The following USH2A variants were observed in gnomAD, a reference collection of about 807,000 sequenced individuals.
USH2A encodes usherin.
Under a neutral mutation model 538.9 loss-of-function variants are expected in USH2A, and 443 were observed. The observed-to-expected ratio is 0.82, with a 90% confidence interval of 0.76 to 0.89. USH2A has a LOEUF of 0.89. Ranked by LOEUF, USH2A falls within the 40% of genes least tolerant of loss-of-function variation. The probability of loss-of-function intolerance (pLI) is 0.00; values close to 1 mark genes in which losing one functional copy is unlikely to be tolerated. For missense variants in USH2A, 6,633 were observed against 6,324.8 expected (o/e 1.05, Z -1.65); for synonymous variants, 2,413 against 2,273.5 (o/e 1.06, Z -1.75).
At chr1:216,368,268 G>A (rs1319001586) in intron 3 of USH2A, among the ~76,000 whole-genome samples, 1 of 151,528 alleles carries the variant, frequency 6.6e-6, no homozygotes, top group Non-Finnish European at 1.5e-5. Context: ...CTAGATTAGT[G>A]AGAAGTATAA....
At chr1:215,982,891 G>A (rs1249558737) in intron 35 of USH2A, among the ~76,000 whole-genome samples, 1 of 152,174 alleles carries the variant, frequency 6.6e-6, no homozygotes, top group Non-Finnish European at 1.5e-5. Context: ...TGCTAACCTA[G>A]TCTGGGTAGG....
chr1:216,205,126 G>A (rs914905042), intron 16 of USH2A, among the ~76,000 whole-genome samples: 4 of 152,142 alleles, frequency 2.6e-5, no homozygotes, highest in African/African-American at 9.7e-5. Flanking sequence ...ATCATTGATA[G>A]TTTTAAGTTT....
intron 69 of USH2A, among the ~76,000 whole-genome samples, chr1:215,636,808 G>A (rs1438075064): frequency 6.6e-6 from 1 of 152,052 alleles, no homozygotes; most frequent in African/African-American, 2.4e-5. Flanking sequence ...TAGAACTGAC[G>A]ATGGATATTA....
intron 64 of USH2A, among the ~76,000 whole-genome samples, chr1:215,662,153 C>T (rs1192560565): frequency 6.6e-6 from 1 of 152,128 alleles, no homozygotes; most frequent in Non-Finnish European, 1.5e-5. Context: ...ACACATCTTA[C>T]CCTTTCCTAG....
At chr1:216,072,463 C>A (rs1433640878) in intron 29 of USH2A, 1 of 272,600 alleles carries the variant, frequency 3.7e-6, no homozygotes, top group Non-Finnish European at 7.1e-6. Context: ...TGATTCCAAC[C>A]AGTTGCAGGT....
At chr1:216,289,443 C>T (rs761557499) in intron 10 of USH2A, 33 bp from the exon 11 acceptor site, 1 of 1,613,188 alleles carries the variant, frequency 6.2e-7, no homozygotes, top group East Asian at 2.2e-5. Context: ...ATTATGACTT[C>T]TAATTCATTA....
intron 13 of USH2A, among the ~76,000 whole-genome samples, chr1:216,241,376 A>C (rs1397349100): frequency 6.6e-6 from 1 of 152,216 alleles, no homozygotes; most frequent in Non-Finnish European, 1.5e-5. Flanking sequence ...TGGTTTTTTA[A>C]ATTATGCAAA....
intron 21 of USH2A, among the ~76,000 whole-genome samples, chr1:216,126,233 G>GT (rs869136760): frequency 2.7e-4 from 34 of 125,054 alleles, no homozygotes; most frequent in African/African-American, 6.2e-4. Flanking sequence ...TTTTGTTTTT[G>GT]TTTTTTTTGA....
chr1:216,109,056 T>C (rs1379360750), intron 21 of USH2A, among the ~76,000 whole-genome samples: 2 of 152,154 alleles, frequency 1.3e-5, no homozygotes, highest in Admixed American at 1.3e-4. Flanking sequence ...GATCTTATCC[T>C]CATTTGAGCT....
At position 215,916,025 on chromosome 1, in the gene USH2A, T is replaced by C. The variant is rs1290901547; in HGVS notation, c.7301-15120A>G. On this transcript the variant is annotated intron_variant, in intron 38 of 71. Transcript: ENST00000307340. ...ACACATGAAGGGGAACATCACACTC[T>C]GGGGACTGTTGTGGGGTGGGGGGAG... Among the ~76,000 whole-genome samples the C allele has an allele frequency of 1.8e-4, 19 of 107,482 alleles. No homozygotes were observed. In the Admixed American group the frequency reaches 2.4e-3, roughly 14 times the overall value. The allele number at this position is 107,482 out of a possible 152,430, so 70.5% of individuals were successfully genotyped here.
intron 11 of USH2A, among the ~76,000 whole-genome samples, chr1:216,288,869 G>A (rs77156925): frequency 0.051 from 7,703 of 152,212 alleles, 306 homozygotes; most frequent in Middle Eastern, 0.16. Context: ...TGAGAAGCGA[G>A]GCTATCATAA....
At chr1:215,636,655 G>A (rs1053241868) in intron 69 of USH2A, among the ~76,000 whole-genome samples, 1 of 152,162 alleles carries the variant, frequency 6.6e-6, no homozygotes, top group East Asian at 1.9e-4. Context: ...GGAAGGGAGG[G>A]CAGCCTGCCC....
intron 49 of USH2A, among the ~76,000 whole-genome samples, chr1:215,803,981 A>G (rs1388587951): frequency 6.6e-6 from 1 of 152,220 alleles, no homozygotes; most frequent in Non-Finnish European, 1.5e-5. Flanking sequence ...ATAATGCCAC[A>G]TATCTACAAC....
In USH2A at chr1:216,114,437, T is replaced by C. The variant is rs561381604; in HGVS notation, c.4628-17224A>G. ...ATTGTCCCTAACTAGTAAAAATTGA[T>C]ATCATTTTTAAACCCTTAAGTAAAA... On this transcript the variant is annotated intron_variant, in intron 21 of 71. Coordinates refer to ENST00000307340, the MANE Select transcript of USH2A (RefSeq NM_206933.4). Among the ~76,000 whole-genome samples, 88 of 152,268 alleles carry C rather than the reference T, an allele frequency of 5.8e-4. 2 individuals carry two copies. The highest frequency in any genetic ancestry group is 1.9e-3 in the African/African-American group (81 of 41,576).
At chr1:216,189,813 T>C (rs1291244858) in intron 20 of USH2A, among the ~76,000 whole-genome samples, 1 of 151,956 alleles carries the variant, frequency 6.6e-6, no homozygotes, top group Non-Finnish European at 1.5e-5. Flanking sequence ...AACGTCCTCA[T>C]AAGAAGCTTC....
At chr1:215,842,907 C>A (rs1404336310) in intron 46 of USH2A, among the ~76,000 whole-genome samples, 1 of 151,892 alleles carries the variant, frequency 6.6e-6, no homozygotes, top group Non-Finnish European at 1.5e-5. Context: ...AGCAAACCAC[C>A]ATGGCATACG....
Position 215,879,040 on chromosome 1 carries a change from A to G in USH2A, c.8282T>C (p.Met2761Thr), listed in dbSNP as rs1251533890. 3 of 1,614,096 alleles carry G rather than the reference A, an allele frequency of 1.9e-6. No individual in the cohort carries two copies. Among genetic ancestry groups the G allele is most frequent in the Non-Finnish European group, 2.5e-6 (3 of 1,179,960 alleles). Residue 2761 changes from methionine (M) to threonine (T), a missense_variant, in exon 42 of 72, where the codon ATG becomes ACG. Physicochemically the swap from Met to Thr is moderately conservative, Grantham distance 81. Coordinates refer to ENST00000307340, the MANE Select transcript of USH2A (RefSeq NM_206933.4). Reference protein sequence around the residue: ...NGDILSYEIHMPDPHITLTNV... With the variant: ...NGDILSYEIHTPDPHITLTNV... ...GGTTAAAGTGATGTGAGGGTCAGGC[A>G]TGTGAATCTCATAGCTAAGTATGTC...
At chr1:215,941,142 C>T (rs1666621631) in intron 37 of USH2A, among the ~76,000 whole-genome samples, 1 of 151,950 alleles carries the variant, frequency 6.6e-6, no homozygotes, top group Admixed American at 6.6e-5. Context: ...AACTATAATG[C>T]ATAAAGGATA....
intron 21 of USH2A, among the ~76,000 whole-genome samples, chr1:216,100,675 T>C (rs2032555575): frequency 6.6e-6 from 1 of 151,998 alleles, no homozygotes; most frequent in Non-Finnish European, 1.5e-5. Context: ...AAACAAGGAA[T>C]TGGGTGTTGG....
Sources: allele counts gnomAD v4.1 joint callset (sites outside exome capture counted in the v4.1 genomes callset), GRCh38; gene constraint gnomAD v4.1.1; transcripts MANE v1.5; gene names NCBI Gene and HGNC (gene_info 2026-07-23, HGNC 2026-07-21).